Variants in CNTNAP2 observed in about 807,000 individuals in gnomAD.
The protein encoded by CNTNAP2 is contactin associated protein 2.
CNTNAP2 carries 98 observed loss-of-function variants against 155.2 expected under a neutral mutation model. That is an observed-to-expected ratio of 0.63 (90% CI 0.54 to 0.75). The LOEUF (loss-of-function observed/expected upper bound fraction) is 0.75. Among genes scored for constraint, CNTNAP2 ranks in the 30% least tolerant of loss-of-function variants. CNTNAP2 has a pLI of 0.00. For missense variants in CNTNAP2, 1,727 were observed against 1,688.1 expected (o/e 1.02, Z -0.40); for synonymous variants, 651 against 631.2 (o/e 1.03, Z -0.47).
At chr7:148,413,980 C>T (rs961405171) in intron 23 of CNTNAP2, among the ~76,000 whole-genome samples, 1 of 151,756 alleles carries the variant, frequency 6.6e-6, no homozygotes, top group Non-Finnish European at 1.5e-5. Flanking sequence ...CTTTTTTATC[C>T]ACTGTCTCTA....
At chr7:148,276,871 C>A (rs1197938266) in intron 21 of CNTNAP2, among the ~76,000 whole-genome samples, 1 of 152,216 alleles carries the variant, frequency 6.6e-6, no homozygotes, top group Non-Finnish European at 1.5e-5. Flanking sequence ...CAAAGCAGCT[C>A]ACATATGTGG....
intron 1 of CNTNAP2, among the ~76,000 whole-genome samples, chr7:146,477,512 A>G (rs1007074544): frequency 2.6e-5 from 4 of 152,084 alleles, no homozygotes; most frequent in Non-Finnish European, 5.9e-5. Flanking sequence ...ATTTTACATA[A>G]TACATGGAGT....
intron 1 of CNTNAP2, among the ~76,000 whole-genome samples, chr7:146,504,978 C>T (rs912298107): frequency 2.6e-5 from 4 of 152,170 alleles, no homozygotes; most frequent in Non-Finnish European, 5.9e-5. Context: ...CAGTGTTGCT[C>T]TACACATCAT....
intron 3 of CNTNAP2, among the ~76,000 whole-genome samples, chr7:146,884,582 G>T (rs1795619978): frequency 6.6e-6 from 1 of 152,058 alleles, no homozygotes. Flanking sequence ...TGTTCCTTGA[G>T]GTAGATGAGG....
intron 3 of CNTNAP2, among the ~76,000 whole-genome samples, chr7:146,928,613 C>A (rs901131033): frequency 5.1e-4 from 77 of 152,150 alleles, no homozygotes; most frequent in Middle Eastern, 3.4e-3. Context: ...GCACCGTGCA[C>A]GAGCCGAAGC....
chr7:148,217,178 G>A, intron 18 of CNTNAP2, 110 bp from the exon 19 acceptor site: 1 of 970,158 alleles, frequency 1.0e-6, no homozygotes, highest in Middle Eastern at 2.1e-4. Context: ...TTACTCAGAT[G>A]CCCTTCCTGG....
chr7:147,033,654 A>G (rs1392513108), intron 3 of CNTNAP2, among the ~76,000 whole-genome samples: 2 of 152,166 alleles, frequency 1.3e-5, no homozygotes, highest in African/African-American at 4.8e-5. Flanking sequence ...AAGCACATTT[A>G]TTGACCACTG....
rs540412298 is a variant in CNTNAP2 at position 148,050,706 on chromosome 7, C to CA, written c.2384-67410dup. 2.1e-3 allele frequency among the ~76,000 whole-genome samples: 326 copies of CA among 152,330 alleles called. 2 individuals are homozygous for CA. Among genetic ancestry groups the CA allele is most frequent in the African/African-American group, 7.5e-3 (312 of 41,572 alleles). ...CACTCACTCACTGACTCACCCACAG[C>CA]AACTTCCAGTCCTGCAAGCTCCATT... On this transcript the variant is annotated intron_variant, in intron 15 of 23. Transcript: ENST00000361727.
At chr7:147,926,222 C>T (rs1242400312) in intron 14 of CNTNAP2, among the ~76,000 whole-genome samples, 1 of 152,130 alleles carries the variant, frequency 6.6e-6, no homozygotes, top group Non-Finnish European at 1.5e-5. Flanking sequence ...GGAGTTCCAA[C>T]AACTCCACAC....
chr7:146,906,109 C>A (rs188171902), intron 3 of CNTNAP2, among the ~76,000 whole-genome samples: 13 of 152,204 alleles, frequency 8.5e-5, no homozygotes, highest in Non-Finnish European at 1.5e-4. Flanking sequence ...TAAAAAACGG[C>A]GCACCACGGG....
At chr7:147,652,240 T>C (rs1325681823) in intron 13 of CNTNAP2, among the ~76,000 whole-genome samples, 1 of 152,168 alleles carries the variant, frequency 6.6e-6, no homozygotes, top group South Asian at 2.1e-4. Flanking sequence ...ATAGTTTTTA[T>C]AGGACAATGA....
intron 17 of CNTNAP2, among the ~76,000 whole-genome samples, chr7:148,155,383 G>GTA (rs1488470784): frequency 6.6e-6 from 1 of 152,176 alleles, no homozygotes; most frequent in Non-Finnish European, 1.5e-5. Flanking sequence ...CTTCAGCTAA[G>GTA]GGCAGGAGAA....
At chr7:147,992,702 G>A (rs565001219) in intron 15 of CNTNAP2, among the ~76,000 whole-genome samples, 2 of 152,290 alleles carry the variant, frequency 1.3e-5, no homozygotes, top group East Asian at 3.9e-4. Flanking sequence ...CTCTCACACT[G>A]TCTAAGGGTG....
chr7:147,179,511 A>G (rs914251032), intron 8 of CNTNAP2, among the ~76,000 whole-genome samples: 1 of 152,230 alleles, frequency 6.6e-6, no homozygotes, highest in African/African-American at 2.4e-5. Context: ...GTTGACCTGT[A>G]CACCCAGGCT....
chr7:147,507,550 CTTTTTTTTT>C (rs3052511), intron 11 of CNTNAP2, among the ~76,000 whole-genome samples: 2 of 82,026 alleles, frequency 2.4e-5, no homozygotes, highest in Non-Finnish European at 4.5e-5. Flanking sequence ...CTCTTTCTTT[CTTTTTTTTT>C]TTTTTTTTTT....
chr7:146,361,295 T>C (rs976613695), intron 1 of CNTNAP2, among the ~76,000 whole-genome samples: 5 of 152,138 alleles, frequency 3.3e-5, no homozygotes, highest in African/African-American at 1.2e-4. Flanking sequence ...GGCATACTTT[T>C]TGTAAATGTG....
chr7:146,680,880 T>C (rs1800490367), intron 1 of CNTNAP2, among the ~76,000 whole-genome samples: 2 of 152,178 alleles, frequency 1.3e-5, no homozygotes, highest in Non-Finnish European at 2.9e-5. Context: ...GCATCTATTA[T>C]TTATCTGATA....
intron 3 of CNTNAP2, among the ~76,000 whole-genome samples, chr7:146,934,390 A>G (rs1466749951): frequency 7.1e-6 from 1 of 141,680 alleles, no homozygotes; most frequent in African/African-American, 2.6e-5. Flanking sequence ...GAATTGAACA[A>G]TGAGAACACA....
chr7:146,198,744 C>T (rs1187275642), intron 1 of CNTNAP2, among the ~76,000 whole-genome samples: 1 of 151,116 alleles, frequency 6.6e-6, no homozygotes, highest in Non-Finnish European at 1.5e-5. Flanking sequence ...TTTACAGTGC[C>T]AATAAGAAGA....
Sources: gnomAD v4.1 joint callset for allele counts (sites outside exome capture counted in the v4.1 genomes callset) on GRCh38, gnomAD v4.1.1 for gene constraint, MANE v1.5 for transcripts, NCBI Gene and HGNC (gene_info 2026-07-23, HGNC 2026-07-21) for gene names.